Variants in LRRTM4 observed in about 807,000 individuals in gnomAD.
LRRTM4 encodes the protein leucine-rich repeat transmembrane neuronal protein 4.
In LRRTM4, 25 loss-of-function variants were observed where a neutral mutation model predicts 47.6. The ratio of observed to expected loss-of-function variants is 0.53; its 90% CI spans 0.38 to 0.73. LRRTM4 has a LOEUF of 0.73. Among genes scored for constraint, LRRTM4 ranks in the 30% least tolerant of loss-of-function variants. The probability of loss-of-function intolerance (pLI) is 0.00; values close to 1 mark genes in which losing one functional copy is unlikely to be tolerated. For missense variants in LRRTM4, 638 were observed against 713.4 expected (o/e 0.89, Z 1.20); for synonymous variants, 311 against 269.5 (o/e 1.15, Z -1.51).
intron 3 of LRRTM4, among the ~76,000 whole-genome samples, chr2:76,935,117 G>A (rs1455030415): frequency 6.6e-6 from 1 of 152,120 alleles, no homozygotes; most frequent in Non-Finnish European, 1.5e-5. Flanking sequence ...TTAGATTCAA[G>A]AGCAGGAAAG....
At chr2:77,499,779 T>C (rs576181942) in intron 3 of LRRTM4, among the ~76,000 whole-genome samples, 2 of 151,898 alleles carry the variant, frequency 1.3e-5, no homozygotes, top group Non-Finnish European at 2.9e-5. Context: ...TATTTATATA[T>C]GTTGCTTTGT....
intron 3 of LRRTM4, among the ~76,000 whole-genome samples, chr2:76,852,976 T>A (rs1672041854): frequency 6.6e-6 from 1 of 152,024 alleles, no homozygotes; most frequent in African/African-American, 2.4e-5. Flanking sequence ...CAGGCACAAG[T>A]ATGGGTTATT....
intron 3 of LRRTM4, among the ~76,000 whole-genome samples, chr2:77,439,685 A>G (rs1675755742): frequency 6.6e-6 from 1 of 152,248 alleles, no homozygotes; most frequent in South Asian, 2.1e-4. Context: ...CAGTGTTAAT[A>G]TGTTAAGAAA....
intron 3 of LRRTM4, among the ~76,000 whole-genome samples, chr2:76,855,996 G>T (rs1195669715): frequency 1.3e-5 from 2 of 152,126 alleles, no homozygotes; most frequent in Admixed American, 6.5e-5. Flanking sequence ...GTATAAATTG[G>T]CCAGAAGTGG....
At chr2:76,842,078 A>C (rs1671701074) in intron 3 of LRRTM4, among the ~76,000 whole-genome samples, 1 of 152,174 alleles carries the variant, frequency 6.6e-6, no homozygotes, top group African/African-American at 2.4e-5. Context: ...CTGAAATTTG[A>C]ATATGGTAAA....
At chr2:76,991,155 G>A (rs1291190006) in intron 3 of LRRTM4, among the ~76,000 whole-genome samples, 1 of 151,638 alleles carries the variant, frequency 6.6e-6, no homozygotes. Flanking sequence ...AGTGTTAAGA[G>A]CAAAATTTTT....
intron 3 of LRRTM4, among the ~76,000 whole-genome samples, chr2:77,004,607 CCA>C (rs1409020693): frequency 3.3e-5 from 5 of 152,120 alleles, no homozygotes; most frequent in African/African-American, 1.2e-4. Flanking sequence ...GTCGGAGCCC[CCA>C]CACAGAGTCC....
intron 3 of LRRTM4, among the ~76,000 whole-genome samples, chr2:76,870,557 G>A (rs1672594652): frequency 6.6e-6 from 1 of 151,912 alleles, no homozygotes; most frequent in East Asian, 1.9e-4. Context: ...TTTTTTTCCA[G>A]CCAGCTCTGT....
intron 2 of LRRTM4, among the ~76,000 whole-genome samples, chr2:77,521,290 A>C (rs1679484300): frequency 6.6e-6 from 1 of 152,016 alleles, no homozygotes; most frequent in African/African-American, 2.4e-5. Flanking sequence ...ACATACACGC[A>C]GCAAAGTGTT....
chr2:76,809,790 C>T (rs1670672759), intron 3 of LRRTM4, among the ~76,000 whole-genome samples: 2 of 152,150 alleles, frequency 1.3e-5, no homozygotes, highest in South Asian at 4.1e-4. Context: ...CATGTGGATC[C>T]AGCCACAGTT....
chr2:76,950,509 T>G (rs1028882871), intron 3 of LRRTM4, among the ~76,000 whole-genome samples: 1 of 151,960 alleles, frequency 6.6e-6, no homozygotes, highest in Non-Finnish European at 1.5e-5. Flanking sequence ...AAAATGAATA[T>G]TGTATCTGAA....
chr2:77,024,369 G>A (rs976901764), intron 3 of LRRTM4, among the ~76,000 whole-genome samples: 2 of 151,612 alleles, frequency 1.3e-5, no homozygotes, highest in African/African-American at 4.8e-5. Context: ...ATTTCCTTTA[G>A]CATAATATCC....
intron 3 of LRRTM4, among the ~76,000 whole-genome samples, chr2:77,077,929 C>T (rs953182459): frequency 6.6e-6 from 1 of 152,132 alleles, no homozygotes; most frequent in Non-Finnish European, 1.5e-5. Context: ...GGGAGCATTG[C>T]ATTTTTAAGT....
chr2:77,435,349 G>T, intron 3 of LRRTM4, among the ~76,000 whole-genome samples: 1 of 152,108 alleles, frequency 6.6e-6, no homozygotes, highest in South Asian at 2.1e-4. Context: ...CTCATGAAAA[G>T]AAATTGCATC....
At chr2:76,889,094 ATAC>A (rs912730307) in intron 3 of LRRTM4, among the ~76,000 whole-genome samples, 4 of 147,424 alleles carry the variant, frequency 2.7e-5, no homozygotes, top group African/African-American at 9.7e-5. Context: ...AGTTTGAAAT[ATAC>A]TACTTCATTT....
chr2:77,466,702 C>CTTT (rs34276275), intron 3 of LRRTM4, among the ~76,000 whole-genome samples: 2 of 131,368 alleles, frequency 1.5e-5, no homozygotes, highest in Non-Finnish European at 1.6e-5. Flanking sequence ...ACTATGGCAA[C>CTTT]TTTTTTTTTT....
At chr2:77,032,644 A>G (rs1378988936) in intron 3 of LRRTM4, among the ~76,000 whole-genome samples, 2 of 152,134 alleles carry the variant, frequency 1.3e-5, no homozygotes, top group Non-Finnish European at 2.9e-5. Flanking sequence ...AGTTTTTGCA[A>G]AGAAGGATCA....
chr2:77,362,837 G>A (rs1453088636), intron 3 of LRRTM4, among the ~76,000 whole-genome samples: 1 of 152,094 alleles, frequency 6.6e-6, no homozygotes, highest in Non-Finnish European at 1.5e-5. Flanking sequence ...ATGCCTGTAG[G>A]ATTGAGAGTA....
intron 3 of LRRTM4, among the ~76,000 whole-genome samples, chr2:77,280,045 A>G (rs999740775): frequency 2.2e-4 from 33 of 152,200 alleles, no homozygotes; most frequent in African/African-American, 6.3e-4. Flanking sequence ...TTAAGTTTGC[A>G]GATGAAAATA....
Sources: allele counts gnomAD v4.1 joint callset (sites outside exome capture counted in the v4.1 genomes callset), GRCh38; gene constraint gnomAD v4.1.1; transcripts MANE v1.5; gene names NCBI Gene and HGNC (gene_info 2026-07-23, HGNC 2026-07-21).